Variants in GABRB1 observed in about 807,000 individuals in gnomAD.
GABRB1 encodes the protein gamma-aminobutyric acid type A receptor subunit beta1, also known as gamma-aminobutyric acid receptor subunit beta-1.
A neutral mutation model predicts 51.6 loss-of-function variants in GABRB1; 17 were observed. The observed-to-expected ratio is 0.33, with a 90% CI of 0.23 to 0.49. GABRB1 has a LOEUF of 0.49. Among genes scored for constraint, GABRB1 ranks in the 20% least tolerant of loss-of-function variants. The pLI is 0.99. For synonymous variants in GABRB1, 247 were observed against 218.9 expected, an observed-to-expected ratio of 1.13 and a Z score of -1.14; for missense variants, 410 against 600.6, an observed-to-expected ratio of 0.68 and a Z score of 3.32.
At chr4:47,047,428 C>T (rs1304165986) in intron 3 of GABRB1, among the ~76,000 whole-genome samples, 1 of 151,934 alleles carries the variant, frequency 6.6e-6, no homozygotes, top group African/African-American at 2.4e-5. Flanking sequence ...GATATGTAAA[C>T]TGAGATATAA....
At chr4:47,002,608 A>G (rs891891925) in intron 1 of GABRB1, among the ~76,000 whole-genome samples, 1 of 152,128 alleles carries the variant, frequency 6.6e-6, no homozygotes, top group African/African-American at 2.4e-5. Flanking sequence ...AGTCCCCAAT[A>G]CAGAACCTAT....
chr4:47,206,204 T>C (rs1406857038), intron 4 of GABRB1, among the ~76,000 whole-genome samples: 12 of 152,008 alleles, frequency 7.9e-5, no homozygotes, highest in African/African-American at 1.7e-4. Context: ...AGTTTACCAG[T>C]TGGGGGCAAG....
At chr4:47,037,759 G>A (rs901439143) in intron 3 of GABRB1, among the ~76,000 whole-genome samples, 4 of 152,002 alleles carry the variant, frequency 2.6e-5, no homozygotes, top group African/African-American at 7.3e-5. Context: ...CATTAATAGC[G>A]ATTTAATCCT....
chr4:47,378,638 C>G (rs1727482821), intron 5 of GABRB1, among the ~76,000 whole-genome samples: 1 of 152,212 alleles, frequency 6.6e-6, no homozygotes, highest in Admixed American at 6.5e-5. Context: ...GCATGCACCA[C>G]CACGCCCAGC....
chr4:47,280,316 T>G (rs981906235), intron 4 of GABRB1, among the ~76,000 whole-genome samples: 2 of 151,908 alleles, frequency 1.3e-5, no homozygotes, highest in Admixed American at 1.3e-4. Flanking sequence ...ATTGACACAT[T>G]TCATAATTTT....
chr4:47,037,935 G>T (rs1218993426), intron 3 of GABRB1, among the ~76,000 whole-genome samples: 1 of 152,140 alleles, frequency 6.6e-6, no homozygotes, highest in Non-Finnish European at 1.5e-5. Context: ...TCCAGGGTCT[G>T]GCTCCTAACT....
intron 5 of GABRB1, among the ~76,000 whole-genome samples, chr4:47,401,815 T>G (rs564881776): frequency 6.7e-5 from 4 of 59,792 alleles, no homozygotes; most frequent in African/African-American, 2.7e-4. Flanking sequence ...TATCTATCTA[T>G]CTATCTAGCT....
chr4:47,324,448 C>T (rs1578094848), intron 5 of GABRB1, among the ~76,000 whole-genome samples: 1 of 152,168 alleles, frequency 6.6e-6, no homozygotes, highest in East Asian at 1.9e-4. Flanking sequence ...CATCTTAAAA[C>T]ACCTCCACTC....
rs186320311 is a variant in GABRB1, at chr4:47,343,055, C to T, written c.544+22846C>T. 3.3e-5 allele frequency among the ~76,000 whole-genome samples: 5 copies of T among 151,950 alleles called. No homozygotes were observed. In the East Asian group the frequency reaches 9.7e-4, roughly 29 times the overall value. On this transcript the variant is annotated intron_variant, in intron 5 of 8. Transcript: ENST00000295454. ...AAGTAGAGGCGAGTGTCATTAAGGG[C>T]ATCTGAGAAAATGCCAGGACCTAAC...
At chr4:47,303,877 C>G (rs1319634064) in intron 4 of GABRB1, among the ~76,000 whole-genome samples, 1 of 151,988 alleles carries the variant, frequency 6.6e-6, no homozygotes, top group African/African-American at 2.4e-5. Context: ...ATGACTTTAA[C>G]TTGTTAGATT....
At chr4:47,279,432 A>C (rs1164576036) in intron 4 of GABRB1, among the ~76,000 whole-genome samples, 1 of 152,154 alleles carries the variant, frequency 6.6e-6, no homozygotes, top group Non-Finnish European at 1.5e-5. Context: ...AATTTTGCTT[A>C]AATTTTTAGT....
intron 4 of GABRB1, among the ~76,000 whole-genome samples, chr4:47,315,276 TA>T (rs1250334323): frequency 1.3e-5 from 2 of 151,774 alleles, no homozygotes; most frequent in African/African-American, 4.8e-5. Context: ...AACAAGCATA[TA>T]AAAAATGCTC....
rs1725299486 is a variant in GABRB1, at chr4:47,031,602, C to T, written c.-50C>T. ...TACTGCCCAGCAGCCGACTAAGTTGCATTCCTTGAATCTTCGCAGAAAAGA... is the reference window on the plus strand; with the variant it reads ...TACTGCCCAGCAGCCGACTAAGTTGTATTCCTTGAATCTTCGCAGAAAAGA... On this transcript the variant is annotated 5_prime_UTR_variant, in exon 1 of 9. Transcript: ENST00000295454. 2 of 1,494,020 alleles carry T rather than the reference C, an allele frequency of 1.3e-6. No individual in the cohort carries two copies. The highest frequency in any genetic ancestry group is 1.7e-5 in the Admixed American group (1 of 59,696). 92.5% of individuals were successfully genotyped at this position (1,494,020 alleles called of 1,614,324 possible). A position where few individuals can be genotyped will look rare whatever the true frequency, so the allele number is the denominator to read the frequency against.
intron 5 of GABRB1, among the ~76,000 whole-genome samples, chr4:47,349,427 G>A (rs1379247327): frequency 6.6e-6 from 1 of 152,148 alleles, no homozygotes; most frequent in Non-Finnish European, 1.5e-5. Context: ...CTTACCCATG[G>A]TTTCTCTTTC....
intron 4 of GABRB1, among the ~76,000 whole-genome samples, chr4:47,219,105 G>T (rs1720665735): frequency 6.6e-6 from 1 of 151,820 alleles, no homozygotes; most frequent in Non-Finnish European, 1.5e-5. Flanking sequence ...ATTTTGAAAA[G>T]AAGAGTAGTA....
intron 4 of GABRB1, among the ~76,000 whole-genome samples, chr4:47,296,067 T>G (rs576014106): frequency 3.9e-5 from 6 of 152,118 alleles, no homozygotes; most frequent in African/African-American, 1.4e-4. Context: ...CTGAGAGATT[T>G]TGTCACCACC....
rs752134548 is a variant in GABRB1, at chr4:47,320,194, C to A, written c.529C>A (p.Leu177Met). Residue 177 changes from leucine to methionine, a missense_variant, in exon 5 of 9, where the codon CTG becomes ATG. Leu to Met is a conservative substitution (Grantham distance 15). Around this residue, in one of 5 missense-constraint regions of GABRB1, gnomAD observed 100 missense variants for 184.3 expected, o/e 0.54. Coordinates refer to ENST00000295454, the MANE Select transcript of GABRB1 (RefSeq NM_000812.4). ...RYPLDEQNCT[L>M]EIESYGYTTD... ...TCCATTGGATGAGCAGAACTGCACC[C>A]TGGAGATCGAAAGTTGTGAGTTACT... is the stretch of plus-strand genomic sequence containing the variant. 6.3e-7 allele frequency: 1 copy of A among 1,598,276 alleles called. No individual in the cohort carries two copies.
chr4:47,354,370 G>A (rs556209535), intron 5 of GABRB1, among the ~76,000 whole-genome samples: 68 of 152,162 alleles, frequency 4.5e-4, no homozygotes, highest in African/African-American at 1.6e-3. Flanking sequence ...TCCCTTTCCT[G>A]CACAACTTGG....
intron 3 of GABRB1, among the ~76,000 whole-genome samples, chr4:47,037,603 T>C (rs989998780): frequency 7.3e-5 from 11 of 151,232 alleles, no homozygotes; most frequent in African/African-American, 2.7e-4. Context: ...CCTATCTAGA[T>C]TGTTTTAAAG....
Sources: allele counts gnomAD v4.1 joint callset (sites outside exome capture counted in the v4.1 genomes callset), GRCh38; gene constraint gnomAD v4.1.1; regional missense constraint gnomAD v4.1.1; transcripts MANE v1.5; gene names NCBI Gene and HGNC (gene_info 2026-07-23, HGNC 2026-07-21).